ARID4B: variants seen among roughly 807,000 people sequenced by gnomAD.
ARID4B encodes the protein AT-rich interaction domain 4B, also known as AT-rich interactive domain-containing protein 4B.
Under a neutral mutation model 147.5 loss-of-function variants are expected in ARID4B, and 26 were observed. That is an observed-to-expected ratio of 0.18 (90% CI 0.13 to 0.24). The LOEUF (loss-of-function observed/expected upper bound fraction) is 0.24. Among genes scored for constraint, ARID4B ranks in the 10% least tolerant of loss-of-function variants. The pLI, the probability that ARID4B is intolerant of heterozygous loss-of-function variation, is 1.00. For synonymous variants in ARID4B, 512 were observed against 507.9 expected (o/e 1.01, Z -0.11); for missense variants, 1,179 against 1,511.5 (o/e 0.78, Z 3.65).
chr1:235,198,594 A>T (rs1335588266), intron 17 of ARID4B, among the ~76,000 whole-genome samples: 1 of 152,194 alleles, frequency 6.6e-6, no homozygotes, highest in African/African-American at 2.4e-5. Flanking sequence ...CTATATGGTA[A>T]TCATGTTCTC....
intron 8 of ARID4B, among the ~76,000 whole-genome samples, chr1:235,236,862 A>ATTTTTTTTTT (rs869157061): frequency 5.7e-5 from 1 of 17,490 alleles, no homozygotes. Flanking sequence ...ATATATATAT[A>ATTTTTTTTTT]TTTTTTTTTT....
intron 8 of ARID4B, 70 bp downstream of exon 8, chr1:235,240,243 G>T: frequency 7.4e-7 from 1 of 1,356,300 alleles, no homozygotes; most frequent in Non-Finnish European, 1.0e-6. Context: ...AAAAACATTA[G>T]TAAGAAAATT....
chr1:235,228,121 T>A (rs1051152098), intron 11 of ARID4B, among the ~76,000 whole-genome samples: 10 of 151,892 alleles, frequency 6.6e-5, no homozygotes, highest in Non-Finnish European at 1.3e-4. Context: ...CATCCCAGCA[T>A]GAGCCACAGT....
chr1:235,276,337 A>C (rs979770632), intron 2 of ARID4B, among the ~76,000 whole-genome samples: 2 of 152,122 alleles, frequency 1.3e-5, no homozygotes, highest in African/African-American at 2.4e-5. Context: ...ATCAATTTTT[A>C]AAAATCAGCT....
chr1:235,289,419 AT>A (rs1376443868), intron 2 of ARID4B, among the ~76,000 whole-genome samples: 1 of 152,022 alleles, frequency 6.6e-6, no homozygotes, highest in Non-Finnish European at 1.5e-5. Flanking sequence ...AAAATCAGTA[AT>A]TTTTTTTAGA....
At chr1:235,286,036 G>A (rs1415783682) in intron 2 of ARID4B, among the ~76,000 whole-genome samples, 3 of 120,044 alleles carry the variant, frequency 2.5e-5, no homozygotes, top group Non-Finnish European at 5.5e-5. Flanking sequence ...ATTTGTTTCT[G>A]GCTTTTGGGT....
Position 235,320,092 on chromosome 1 carries a change from A to G in ARID4B, c.6+6822T>C, listed in dbSNP as rs564897040. On this transcript the variant is annotated intron_variant, in intron 2 of 23. Transcript: ENST00000264183. The stretch of plus-strand genomic sequence containing the variant: ...CAGTGAGCCGAGATCGTGCCATTGC[A>G]CTCCAACCTGGGTAACGAGCGAAAC... 1.1e-4 allele frequency among the ~76,000 whole-genome samples: 16 copies of G among 151,318 alleles called. No individual in the cohort carries two copies. The East Asian group carries it at 3.1e-3, about 29-fold the overall frequency.
rs559528472 is a variant in ARID4B, at chr1:235,170,534, C to G, written c.3812-1882G>C. Among the ~76,000 whole-genome samples the G allele has an allele frequency of 5.9e-5, 9 of 152,060 alleles. No individual in the cohort carries two copies. In the South Asian group the frequency reaches 1.9e-3, roughly 32 times the overall value. ...TGGGCGGATCACAAGGTCAGGAGATCGAGACCATCCTGGCTAACACAATGA... is the reference window on the plus strand; with the variant it reads ...TGGGCGGATCACAAGGTCAGGAGATGGAGACCATCCTGGCTAACACAATGA... On this transcript the variant is annotated intron_variant, in intron 23 of 23. Coordinates refer to ENST00000264183, the MANE Select transcript of ARID4B (RefSeq NM_016374.6).
intron 16 of ARID4B, among the ~76,000 whole-genome samples, chr1:235,218,864 A>ATTTTTTTT (rs67129831): frequency 7.8e-6 from 1 of 128,714 alleles, no homozygotes; most frequent in African/African-American, 2.9e-5. Context: ...ACGCTAAATG[A>ATTTTTTTT]TTTTTTTTTT....
At chr1:235,298,880 T>G (rs1672936302) in intron 2 of ARID4B, among the ~76,000 whole-genome samples, 1 of 151,966 alleles carries the variant, frequency 6.6e-6, no homozygotes, top group Non-Finnish European at 1.5e-5. Flanking sequence ...CTGGCTTCAA[T>G]CCATGCACAG....
At chr1:235,178,853 C>CTT (rs34779386) in intron 20 of ARID4B, among the ~76,000 whole-genome samples, 4 of 151,264 alleles carry the variant, frequency 2.6e-5, no homozygotes, top group Non-Finnish European at 4.4e-5. Context: ...AACTTCCTAG[C>CTT]TTTTTTTTAA....
intron 15 of ARID4B, 93 bp from the exon 16 acceptor site, chr1:235,220,061 A>C: frequency 2.3e-6 from 2 of 867,772 alleles, no homozygotes; most frequent in Middle Eastern, 3.6e-4. Flanking sequence ...GTATCAACCA[A>C]TTCTAATATT....
chr1:235,229,932 A>G (rs1202412319), intron 10 of ARID4B, among the ~76,000 whole-genome samples: 1 of 152,212 alleles, frequency 6.6e-6, no homozygotes, highest in Non-Finnish European at 1.5e-5. Flanking sequence ...ATACCAAAAA[A>G]TCTTGATGAT....
intron 2 of ARID4B, among the ~76,000 whole-genome samples, chr1:235,309,092 A>C (rs1441369671): frequency 1.6e-4 from 16 of 97,022 alleles, no homozygotes; most frequent in African/African-American, 3.0e-4. Flanking sequence ...CCGGCCGCCC[A>C]TTGTCTGAGA....
intron 2 of ARID4B, among the ~76,000 whole-genome samples, chr1:235,326,292 G>C (rs368284100): frequency 6.6e-6 from 1 of 152,190 alleles, no homozygotes. Flanking sequence ...ACATCTAAGA[G>C]GAACCTGGCC....
intron 2 of ARID4B, among the ~76,000 whole-genome samples, chr1:235,266,412 T>C (rs1349549488): frequency 6.6e-6 from 1 of 152,174 alleles, no homozygotes; most frequent in African/African-American, 2.4e-5. Flanking sequence ...AAATAAGATG[T>C]TTTTATGTAG....
At chr1:235,236,862 ATTTTTTT>A (rs869157061) in intron 8 of ARID4B, among the ~76,000 whole-genome samples, 487 of 17,348 alleles carry the variant, frequency 0.028, 8 homozygotes, top group Non-Finnish European at 0.039. Flanking sequence ...ATATATATAT[ATTTTTTT>A]TTTTTTTTTT....
Position 235,176,755 on chromosome 1 carries a change from A to G in ARID4B, c.3448+1045T>C, listed in dbSNP as rs1035468715. On this transcript the variant is annotated intron_variant, in intron 21 of 23. Transcript: ENST00000264183. ...CAGGGACGCCATATTCACCGCCTGG[A>G]AGTCATATGGGCTCAGCAGAACCTC... 1.1e-5 allele frequency: 5 copies of G among 442,390 alleles called. No homozygotes were observed. In the Admixed American group the frequency reaches 1.3e-4, roughly 12 times the overall value. 27.4% of individuals were successfully genotyped at this position (442,390 alleles called of 1,614,324 possible).
intron 19 of ARID4B, among the ~76,000 whole-genome samples, chr1:235,186,345 C>T (rs995583098): frequency 1.3e-5 from 2 of 152,094 alleles, no homozygotes; most frequent in African/African-American, 4.8e-5. Context: ...ATTTCCATCA[C>T]TGCTCTTTTA....
Sources: allele counts gnomAD v4.1 joint callset (sites outside exome capture counted in the v4.1 genomes callset), GRCh38; gene constraint gnomAD v4.1.1; transcripts MANE v1.5; gene names NCBI Gene and HGNC (gene_info 2026-07-23, HGNC 2026-07-21).